Variants in QPRT observed in about 807,000 individuals in gnomAD.
QPRT encodes the protein nicotinate-nucleotide pyrophosphorylase [carboxylating].
A neutral mutation model predicts 19.8 loss-of-function variants in QPRT; 17 were observed. That is an observed-to-expected ratio of 0.86 (90% CI 0.59 to 1.29). The LOEUF is 1.29. Ranked by LOEUF, QPRT falls within the 50% of genes most tolerant of loss-of-function variation. The pLI is 0.00. For missense variants in QPRT, 336 were observed against 405.1 expected (o/e 0.83, Z 1.46); for synonymous variants, 178 against 191.0 (o/e 0.93, Z 0.56).
chr16:29,694,484 C>T (rs1195222556), intron 1 of QPRT, among the ~76,000 whole-genome samples, 180 bp from the exon 2 acceptor site: 1 of 151,948 alleles, frequency 6.6e-6, no homozygotes, highest in Non-Finnish European at 1.5e-5. Flanking sequence ...CTCACCCTCG[C>T]CCCCACAACC....
At position 29,697,600 on chromosome 16, in the gene QPRT, C is replaced by T. The variant is rs1385172827; in HGVS notation, c.*189C>T. On this transcript the variant is annotated 3_prime_UTR_variant, in exon 4 of 4. Coordinates refer to ENST00000395384, the MANE Select transcript of QPRT (RefSeq NM_014298.6). The surrounding 1 kb of genome is among the most constrained non-coding windows in gnomAD (Gnocchi z 4.4). ...ACTTCACCTCTGCTCATCTCAGTTT[C>T]CTAATCTGTAAAATGGGTCTAATAA... 4.8e-6 allele frequency: 3 copies of T among 621,792 alleles called. No individual in the cohort carries two copies. The highest frequency in any genetic ancestry group is 8.3e-6 in the Non-Finnish European group (3 of 360,650). 38.5% of individuals were successfully genotyped at this position (621,792 alleles called of 1,614,324 possible). A position where few individuals can be genotyped will look rare whatever the true frequency, so the allele number is the denominator to read the frequency against.
At chr16:29,681,663 A>G (rs1367919793) in intron 1 of QPRT, among the ~76,000 whole-genome samples, 2 of 145,532 alleles carry the variant, frequency 1.4e-5, no homozygotes, top group Admixed American at 1.4e-4. Flanking sequence ...TGCCCGGCTA[A>G]TTTTTGTATT....
chr16:29,680,478 A>C (rs1027014825), intron 1 of QPRT, among the ~76,000 whole-genome samples: 1 of 152,140 alleles, frequency 6.6e-6, no homozygotes, highest in African/African-American at 2.4e-5. Flanking sequence ...GGTGTCCTAC[A>C]CAGGGGTGGC....
At chr16:29,680,669 G>A (rs1031376271) in intron 1 of QPRT, among the ~76,000 whole-genome samples, 3 of 152,116 alleles carry the variant, frequency 2.0e-5, no homozygotes, top group Non-Finnish European at 4.4e-5. Flanking sequence ...GGCCCGCCAC[G>A]GTGGCTCACG....
chr16:29,691,803 G>A (rs942144163), intron 1 of QPRT, among the ~76,000 whole-genome samples: 1 of 152,198 alleles, frequency 6.6e-6, no homozygotes, highest in Non-Finnish European at 1.5e-5. Flanking sequence ...GGAGCCATCT[G>A]GGGCAGATGT....
At chr16:29,686,448 C>T (rs755042104) in intron 1 of QPRT, among the ~76,000 whole-genome samples, 1 of 152,162 alleles carries the variant, frequency 6.6e-6, no homozygotes, top group African/African-American at 2.4e-5. Context: ...TTCGCGAGCA[C>T]GCCTACCCTG....
At chr16:29,687,830 A>G (rs1348516705) in intron 1 of QPRT, among the ~76,000 whole-genome samples, 1 of 41,578 alleles carries the variant, frequency 2.4e-5, no homozygotes, top group Non-Finnish European at 3.8e-5. Context: ...CCCTGTCTCT[A>G]TTAAAAAAAA....
chr16:29,695,257 C>T (rs1967495047), intron 2 of QPRT, 58 bp downstream of exon 2: 2 of 1,466,262 alleles, frequency 1.4e-6, no homozygotes, highest in African/African-American at 1.4e-5. Flanking sequence ...CTCCCCTCCC[C>T]TCCCCTCTCC....
At position 29,697,266 on chromosome 16, in the gene QPRT, G is replaced by T. The variant is rs1402867580; in HGVS notation, c.749G>T (p.Gly250Val). 6.2e-7 allele frequency: 1 copy of T among 1,613,946 alleles called. No homozygotes were observed. Among genetic ancestry groups the T allele is most frequent in the Non-Finnish European group, 8.5e-7 (1 of 1,179,970 alleles). Residue 250 changes from glycine to valine, a missense_variant, in exon 4 of 4, where the codon GGC becomes GTC. Physicochemically the swap from Gly to Val is moderately radical, Grantham distance 109. Transcript: ENST00000395384. The surrounding 1 kb of genome is among the most constrained non-coding windows in gnomAD (Gnocchi z 4.4). ...AGTGTGGCTGTGGAAGCCAGTGGGG[G>T]CATCACCCTGGACAACCTCCCCCAG... ...FPSVAVEASG[G>V]ITLDNLPQFC... is the part of the protein sequence containing the mutation.
At chr16:29,694,634 A>G (rs761330799) in intron 1 of QPRT, 30 bp from the exon 2 acceptor site, 1 of 1,510,434 alleles carries the variant, frequency 6.6e-7, no homozygotes, top group Non-Finnish European at 8.8e-7. Flanking sequence ...GAGGCAGCCA[A>G]ACTCAACAGC....
rs1186326470 is a variant in QPRT at position 29,698,014 on chromosome 16, AAGAG to A, written c.*608_*611del. ...AAGAAACAAAGGAAAGAAAGAGAGAAAGAGAGAGGGAGGGAGGGAGGGAGGGAAA... is the reference window on the plus strand; with the variant it reads ...AAGAAACAAAGGAAAGAAAGAGAGAAAGAGGGAGGGAGGGAGGGAGGGAAA... On this transcript the variant is annotated 3_prime_UTR_variant, in exon 4 of 4. Coordinates refer to ENST00000395384, the MANE Select transcript of QPRT (RefSeq NM_014298.6). The A allele has an allele frequency of 2.1e-5, 3 of 142,384 alleles. No individual in the cohort carries two copies. The highest frequency in any genetic ancestry group is 3.1e-5 in the Non-Finnish European group (2 of 64,782). The allele number at this position is 142,384 out of a possible 1,614,324, so 8.8% of individuals were successfully genotyped here.
intron 1 of QPRT, among the ~76,000 whole-genome samples, chr16:29,684,006 C>T (rs554647650): frequency 6.6e-6 from 1 of 152,330 alleles, no homozygotes; most frequent in East Asian, 1.9e-4. Context: ...GAGCCCCATC[C>T]TCAGTCTTCC....
Position 29,697,310 on chromosome 16 carries a change from G to C in QPRT, c.793G>C (p.Asp265His). The change falls in exon 4 of 4, where the codon GAC becomes CAC. Residue 265 changes from aspartate to histidine, a missense_variant. Asp to His is a moderately conservative substitution (Grantham distance 81). Coordinates refer to ENST00000395384, the MANE Select transcript of QPRT (RefSeq NM_014298.6). The surrounding 1 kb of genome is among the most constrained non-coding windows in gnomAD (Gnocchi z 4.4). ...NLPQFCGPHI[D>H]VISMGMLTQA... Reference sequence around the variant, plus strand: ...CCCCCAGTTCTGCGGGCCGCACATAGACGTCATCTCCATGGGGATGCTGAC... The same window carrying C: ...CCCCCAGTTCTGCGGGCCGCACATACACGTCATCTCCATGGGGATGCTGAC... The C allele has an allele frequency of 6.2e-7, 1 of 1,614,180 alleles. No individual in the cohort carries two copies. Among genetic ancestry groups the C allele is most frequent in the African/African-American group, 1.3e-5 (1 of 75,054 alleles).
At chr16:29,690,176 C>T (rs1178447854) in intron 1 of QPRT, among the ~76,000 whole-genome samples, 4 of 152,212 alleles carry the variant, frequency 2.6e-5, no homozygotes, top group South Asian at 2.1e-4. Flanking sequence ...TGGCCTCCAG[C>T]GCCATCCATG....
chr16:29,693,631 G>A (rs747326241), intron 1 of QPRT, among the ~76,000 whole-genome samples: 1 of 151,884 alleles, frequency 6.6e-6, no homozygotes, highest in Non-Finnish European at 1.5e-5. Flanking sequence ...CTGTCACCCA[G>A]GCTGGAGTGC....
At chr16:29,684,582 C>G (rs1002746820) in intron 1 of QPRT, among the ~76,000 whole-genome samples, 1 of 152,108 alleles carries the variant, frequency 6.6e-6, no homozygotes, top group South Asian at 2.1e-4. Context: ...CTCCTGACCT[C>G]GTGATCCTCC....
intron 1 of QPRT, among the ~76,000 whole-genome samples, chr16:29,691,712 TCCCAGG>T (rs2142307101): frequency 6.6e-6 from 1 of 152,246 alleles, no homozygotes; most frequent in South Asian, 2.1e-4. Flanking sequence ...TGCCGTTTGC[TCCCAGG>T]CCTTTTCCGT....
chr16:29,696,583 C>T (rs1967541000), intron 2 of QPRT: 1 of 159,706 alleles, frequency 6.3e-6, no homozygotes, highest in Admixed American at 6.4e-5. Flanking sequence ...GAGTTAGAGA[C>T]CATCCTGGCC....
Position 29,698,107 on chromosome 16 carries a change from T to G in QPRT, c.*696T>G, listed in dbSNP as rs1314539203. ...CCCAGACAGGCCAAAACCTTCATCC[T>G]TCATGCACCCAACCTGTACCAAACA... is the stretch of plus-strand genomic sequence containing the variant. On this transcript the variant is annotated 3_prime_UTR_variant, in exon 4 of 4. Transcript: ENST00000395384. 2.0e-5 allele frequency: 3 copies of G among 152,306 alleles called. No individual in the cohort carries two copies. Among genetic ancestry groups the G allele is most frequent in the African/African-American group, 7.2e-5 (3 of 41,422 alleles). The allele number at this position is 152,306 out of a possible 1,614,324, so 9.4% of individuals were successfully genotyped here.
Sources: allele counts gnomAD v4.1 joint callset (sites outside exome capture counted in the v4.1 genomes callset), GRCh38; gene constraint gnomAD v4.1.1; non-coding constraint Gnocchi (gnomAD v3.1); transcripts MANE v1.5; gene names NCBI Gene and HGNC (gene_info 2026-07-23, HGNC 2026-07-21).